The following GDF5 variants were observed in gnomAD, a reference collection of about 807,000 sequenced individuals.
GDF5 encodes the protein growth differentiation factor 5.
GDF5 carries 17 observed loss-of-function variants against 34.6 expected under a neutral mutation model. The observed-to-expected ratio is 0.49, with a 90% CI of 0.34 to 0.74. The LOEUF is 0.74. GDF5 is among the 30% of genes least tolerant of loss of function. GDF5 has a pLI of 0.01. For synonymous variants in GDF5, 332 were observed against 290.7 expected, an observed-to-expected ratio of 1.14 and a Z score of -1.44; for missense variants, 616 against 661.2, an observed-to-expected ratio of 0.93 and a Z score of 0.75.
intron 1 of GDF5, chr20:35,454,517 G>A (rs2062559307): frequency 1.3e-5 from 2 of 157,364 alleles, no homozygotes; most frequent in African/African-American, 4.8e-5. Context: ...CTATTGGGAA[G>A]AAAAAGTTCT....
intron 1 of GDF5, among the ~76,000 whole-genome samples, chr20:35,453,634 C>T (rs916467023): frequency 6.6e-6 from 1 of 152,202 alleles, no homozygotes; most frequent in Non-Finnish European, 1.5e-5. Flanking sequence ...GATAGTTTGC[C>T]TTTCAGAATC....
upstream of GDF5, among the ~76,000 whole-genome samples, chr20:35,442,519 G>C (rs1171686172): frequency 6.8e-6 from 1 of 148,100 alleles, no homozygotes; most frequent in Admixed American, 6.8e-5. Flanking sequence ...CAGCCCGAAG[G>C]TAACTCTTGA....
chr20:35,438,038 G>T lies in GDF5; in HGVS notation c.-110C>A. On this transcript the variant is annotated 5_prime_UTR_variant, in exon 1 of 2. The change creates a new upstream start codon in the 5' untranslated region. Coordinates refer to ENST00000374369, the MANE Select transcript of GDF5 (RefSeq NM_000557.5). ...GAGTGGACTTTCAAAAGCAGCGGCA[G>T]CAGCAGTAGCAGCAGAAGGAAAGGC... The T allele has an allele frequency of 8.4e-7, 1 of 1,184,858 alleles. No individual in the cohort carries two copies. 73.4% of individuals were successfully genotyped at this position (1,184,858 alleles called of 1,614,324 possible).
intron 1 of GDF5, among the ~76,000 whole-genome samples, chr20:35,447,811 C>T (rs867221461): frequency 2.0e-5 from 3 of 152,094 alleles, no homozygotes; most frequent in Middle Eastern, 3.2e-3. Context: ...ATAGTAACAT[C>T]AGCTTTTTAA....
intron 1 of GDF5, chr20:35,435,061 G>A (rs1400095600): frequency 1.6e-6 from 1 of 614,690 alleles, no homozygotes; most frequent in East Asian, 2.8e-5. Context: ...TGTTATCAGA[G>A]ATTTATCAGC....
chr20:35,436,176 C>T (rs1229815994), intron 1 of GDF5, among the ~76,000 whole-genome samples: 1 of 152,172 alleles, frequency 6.6e-6, no homozygotes, highest in Non-Finnish European at 1.5e-5. Context: ...GGCCTTTAAA[C>T]TCCCCATCTC....
rs768697784 is a variant in GDF5 at position 35,437,292 on chromosome 20, C to T, written c.631+6G>A. 1.1e-5 allele frequency: 18 copies of T among 1,604,630 alleles called. No individual in the cohort carries two copies. In the East Asian group the frequency reaches 3.6e-4, roughly 32 times the overall value. On this transcript the variant is annotated splice_donor_region_variant and intron_variant, in intron 1 of 1. Coordinates refer to ENST00000374369, the MANE Select transcript of GDF5 (RefSeq NM_000557.5). ...GAGCCGTGCCCCTGCCACCCCGCCC[C>T]CTCACCTTGCCCTTTGTCAATAAAG...
At chr20:35,451,080 T>TATATATATAA (rs1568738473) in intron 1 of GDF5, among the ~76,000 whole-genome samples, 2 of 30,304 alleles carry the variant, frequency 6.6e-5, no homozygotes, top group Non-Finnish European at 1.3e-4. Context: ...TATATATATA[T>TATATATATAA]ATATATATAT....
chr20:35,451,068 T>TATATATATATATATAA (rs2062530896), intron 1 of GDF5, among the ~76,000 whole-genome samples: 1 of 31,614 alleles, frequency 3.2e-5, no homozygotes, highest in Admixed American at 2.0e-4. Context: ...AAAAAAAATA[T>TATATATATATATATAA]ATATATATAT....
chr20:35,438,224 C>T lies in GDF5; in HGVS notation c.-296G>A. ...AGCCGACCGCCCCCTTTCTCCTGCA[C>T]AACTGACTGAGGGCTTGAAGGAGGC... is the stretch of plus-strand genomic sequence containing the variant. On this transcript the variant is annotated 5_prime_UTR_variant, in exon 1 of 2. In the 5' UTR this introduces an upstream ATG that the reference lacks. Coordinates refer to ENST00000374369, the MANE Select transcript of GDF5 (RefSeq NM_000557.5). 4.2e-6 allele frequency: 2 copies of T among 472,790 alleles called. No homozygotes were observed. Among genetic ancestry groups the T allele is most frequent in the Non-Finnish European group, 7.8e-6 (2 of 257,400 alleles). The allele number at this position is 472,790 out of a possible 1,614,324, so 29.3% of individuals were successfully genotyped here.
rs767477220 is a variant in GDF5, at chr20:35,437,632, G to T, written c.297C>A (p.Pro99=). 28 of 1,613,932 alleles carry T rather than the reference G, an allele frequency of 1.7e-5. No homozygotes were observed. Among genetic ancestry groups the T allele is most frequent in the African/African-American group, 5.3e-5 (4 of 74,900 alleles). The part of the protein sequence containing the change: ...PKKDEPKKLP[P]RPGGPEPKPG... ...GCTTGGGTTCAGGGCCGCCCGGTCT[G>T]GGGGGCAGCTTTTTGGGTTCATCCT... is the stretch of plus-strand genomic sequence containing the variant. The change falls in exon 1 of 2, where the codon CCC becomes CCA. Residue 99 remains proline (P), a synonymous_variant. Coordinates refer to ENST00000374369, the MANE Select transcript of GDF5 (RefSeq NM_000557.5).
At chr20:35,438,531 A>G (rs2062485433), upstream of GDF5, among the ~76,000 whole-genome samples, 1 of 152,156 alleles carries the variant, frequency 6.6e-6, no homozygotes, top group South Asian at 2.1e-4. Flanking sequence ...TATTTATGTG[A>G]AAAAAATCAC....
upstream of GDF5, among the ~76,000 whole-genome samples, chr20:35,438,975 T>C (rs1323958933): frequency 6.6e-6 from 1 of 151,846 alleles, no homozygotes; most frequent in Non-Finnish European, 1.5e-5. Flanking sequence ...TTTAATAAAC[T>C]TGTGGTGACC....
rs1311166682 is a variant in GDF5 at position 35,437,516 on chromosome 20, C to A, written c.413G>T (p.Gly138Val). The change falls in exon 1 of 2, where the codon GGA (glycine) becomes GTA (valine). Residue 138 changes from glycine to valine, a missense_variant. Physicochemically the swap from Gly to Val is moderately radical, Grantham distance 109. Coordinates refer to ENST00000374369, the MANE Select transcript of GDF5 (RefSeq NM_000557.5). ...CAGCAGGAAGGAGCTGGGGACAGAT[C>A]CTGCTTTTGGGGGTGCCTTGCCTCC... ...LPGGKAPPKA[G>V]SVPSSFLLKK... is the part of the protein sequence containing the mutation. The A allele has an allele frequency of 1.9e-6, 3 of 1,614,030 alleles. No individual in the cohort carries two copies. The highest frequency in any genetic ancestry group is 3.3e-5 in the Admixed American group (2 of 60,002).
intron 1 of GDF5, among the ~76,000 whole-genome samples, chr20:35,436,496 G>C (rs1225259413): frequency 2.6e-5 from 4 of 152,158 alleles, no homozygotes; most frequent in African/African-American, 7.2e-5. Flanking sequence ...GGCCCTGAGA[G>C]GGGGAGGGAC....
At chr20:35,437,121 G>A (rs1470008611) in intron 1 of GDF5, among the ~76,000 whole-genome samples, 177 bp downstream of exon 1, 1 of 152,180 alleles carries the variant, frequency 6.6e-6, no homozygotes, top group Non-Finnish European at 1.5e-5. Flanking sequence ...CAGCCCTGAT[G>A]TGTGGGCAGC....
At chr20:35,448,289 G>C (rs1314539922) in intron 1 of GDF5, among the ~76,000 whole-genome samples, 1 of 151,630 alleles carries the variant, frequency 6.6e-6, no homozygotes, top group Non-Finnish European at 1.5e-5. Flanking sequence ...TATTGCAGCT[G>C]AGGAATTTGA....
intron 1 of GDF5, among the ~76,000 whole-genome samples, chr20:35,437,054 T>G (rs577972801): frequency 6.6e-6 from 1 of 152,310 alleles, no homozygotes; most frequent in East Asian, 1.9e-4. Flanking sequence ...TTCTCTAGGC[T>G]TTAGTGCCCA....
chr20:35,448,438 G>GC (rs1195469282), intron 1 of GDF5, among the ~76,000 whole-genome samples: 12 of 128,340 alleles, frequency 9.4e-5, no homozygotes, highest in Admixed American at 1.9e-4. Context: ...ATAGTTAAGG[G>GC]CCCCCCCGAC....
Sources: allele counts gnomAD v4.1 joint callset (sites outside exome capture counted in the v4.1 genomes callset), GRCh38; gene constraint gnomAD v4.1.1; transcripts MANE v1.5; gene names NCBI Gene and HGNC (gene_info 2026-07-23, HGNC 2026-07-21).